Variants in SGCD observed in about 807,000 individuals in gnomAD.
The protein encoded by SGCD is delta-sarcoglycan.
In SGCD, 18 loss-of-function variants were observed where a neutral mutation model predicts 36.6. The observed-to-expected ratio is 0.49, with a 90% confidence interval of 0.34 to 0.73. The LOEUF is 0.73. SGCD is among the 30% of genes least tolerant of loss of function. The pLI is 0.01. For synonymous variants in SGCD, 133 were observed against 130.6 expected (o/e 1.02, Z -0.12); for missense variants, 387 against 346.7 (o/e 1.12, Z -0.92).
At position 156,269,469 on chromosome 5, in the gene SGCD, C is replaced by CAAAAAA. The variant is rs60893052; in HGVS notation, c.-43-60029_-43-60024dup. On this transcript the variant is annotated intron_variant, in intron 3 of 9. Coordinates refer to the SGCD transcript ENST00000517913. ...TAGGGGACAGAGTGAGACTCCGTCT[C>CAAAAAA]AAAAAAAAAAAAAAAAAAAAAAAAA... 5.6e-4 allele frequency among the ~76,000 whole-genome samples: 17 copies of CAAAAAA among 30,468 alleles called. 2 individuals carry two copies. The highest frequency in any genetic ancestry group is 5.1e-3 in the East Asian group (2 of 392). 20.0% of individuals were successfully genotyped at this position (30,468 alleles called of 152,430 possible).
At chr5:156,613,843 C>A (rs1761923079) in intron 6 of SGCD, among the ~76,000 whole-genome samples, 1 of 152,232 alleles carries the variant, frequency 6.6e-6, no homozygotes, top group African/African-American at 2.4e-5. Flanking sequence ...ATATAGCTAA[C>A]ATATGTTGAG....
intron 1 of SGCD, among the ~76,000 whole-genome samples, chr5:155,985,638 GTAGT>G (rs1179882110): frequency 6.6e-6 from 1 of 152,202 alleles, no homozygotes; most frequent in Non-Finnish European, 1.5e-5. Flanking sequence ...ATGGTAGAAT[GTAGT>G]TTGTGTGGCT....
intron 3 of SGCD, among the ~76,000 whole-genome samples, chr5:156,474,136 G>A (rs1050851415): frequency 2.0e-5 from 3 of 152,120 alleles, no homozygotes; most frequent in African/African-American, 4.8e-5. Context: ...CCCAACATGG[G>A]TAGGGGTTGG....
chr5:156,579,354 A>C (rs1248875038), intron 4 of SGCD, among the ~76,000 whole-genome samples: 1 of 152,112 alleles, frequency 6.6e-6, no homozygotes, highest in Admixed American at 6.6e-5. Flanking sequence ...TTTTGGAAGA[A>C]GTGTGATGTG....
chr5:156,681,742 G>A (rs1433570924), intron 7 of SGCD, among the ~76,000 whole-genome samples: 1 of 152,140 alleles, frequency 6.6e-6, no homozygotes, highest in Non-Finnish European at 1.5e-5. Context: ...TGATGGGGGA[G>A]AACAAACACA....
At chr5:156,754,840 A>C (rs542452896) in intron 7 of SGCD, among the ~76,000 whole-genome samples, 1 of 152,374 alleles carries the variant, frequency 6.6e-6, no homozygotes, top group Non-Finnish European at 1.5e-5. Flanking sequence ...TAAGGCAAGA[A>C]ATAAGACCAG....
intron 4 of SGCD, among the ~76,000 whole-genome samples, chr5:156,560,500 A>G (rs146114214): frequency 6.6e-6 from 1 of 152,186 alleles, no homozygotes; most frequent in Admixed American, 6.6e-5. Context: ...GCATTAATGC[A>G]CCTGTAGGCT....
Position 156,661,612 on chromosome 5 carries a change from C to G in SGCD, c.575+14076C>G, listed in dbSNP as rs1268903482. Reference sequence around the variant, plus strand: ...CCATTGCTGGAACCATCAGTAAATACTGTTAGAGCATTTTCTAAAGGTTCA... The same window carrying G: ...CCATTGCTGGAACCATCAGTAAATAGTGTTAGAGCATTTTCTAAAGGTTCA... On this transcript the variant is annotated intron_variant, in intron 7 of 8. Transcript: ENST00000337851. Among the ~76,000 whole-genome samples the G allele has an allele frequency of 7.1e-5, 10 of 141,720 alleles. No homozygotes were observed. The East Asian group carries it at 8.6e-4, about 12-fold the overall frequency. The allele number at this position is 141,720 out of a possible 152,430, so 93.0% of individuals were successfully genotyped here. A position where few individuals can be genotyped will look rare whatever the true frequency, so the allele number is the denominator to read the frequency against.
chr5:156,606,284 A>G (rs1342662178), intron 6 of SGCD, among the ~76,000 whole-genome samples: 1 of 152,212 alleles, frequency 6.6e-6, no homozygotes, highest in Non-Finnish European at 1.5e-5. Flanking sequence ...TTTTCCCAGC[A>G]CCATTTATTA....
At chr5:156,646,956 C>T (rs1190921723) in intron 6 of SGCD, among the ~76,000 whole-genome samples, 1 of 152,162 alleles carries the variant, frequency 6.6e-6, no homozygotes, top group Non-Finnish European at 1.5e-5. Flanking sequence ...TTTTGCTTAA[C>T]TTTTCAAGAT....
chr5:156,304,947 C>A (rs1186507435), intron 3 of SGCD, among the ~76,000 whole-genome samples: 1 of 152,124 alleles, frequency 6.6e-6, no homozygotes, highest in Non-Finnish European at 1.5e-5. Flanking sequence ...ATGATTTAAG[C>A]TATTTGGCAG....
intron 1 of SGCD, among the ~76,000 whole-genome samples, chr5:155,906,029 AT>A (rs1189582025): frequency 6.6e-6 from 1 of 152,084 alleles, no homozygotes; most frequent in Admixed American, 6.6e-5. Context: ...TGTTAGTTCC[AT>A]TTTTCCAACA....
At chr5:156,528,698 A>G (rs1581121808) in intron 4 of SGCD, among the ~76,000 whole-genome samples, 1 of 152,292 alleles carries the variant, frequency 6.6e-6, no homozygotes, top group East Asian at 1.9e-4. Flanking sequence ...GCTAAAGGTA[A>G]TAAGTTTCAT....
intron 7 of SGCD, among the ~76,000 whole-genome samples, chr5:156,720,319 T>G (rs1420878654): frequency 6.6e-6 from 1 of 152,146 alleles, no homozygotes; most frequent in Non-Finnish European, 1.5e-5. Context: ...GGTGAGCATC[T>G]GGGGAGGATT....
At chr5:156,651,560 C>T (rs1311332434) in intron 7 of SGCD, among the ~76,000 whole-genome samples, 1 of 152,062 alleles carries the variant, frequency 6.6e-6, no homozygotes, top group Non-Finnish European at 1.5e-5. Context: ...ATAGGGAATC[C>T]TTTCCACATG....
At chr5:156,730,430 G>A (rs1267276151) in intron 7 of SGCD, among the ~76,000 whole-genome samples, 1 of 152,110 alleles carries the variant, frequency 6.6e-6, no homozygotes, top group African/African-American at 2.4e-5. Flanking sequence ...GTATCCATGT[G>A]TTCTCATAAT....
At chr5:156,238,981 G>A (rs1369766160) in intron 3 of SGCD, among the ~76,000 whole-genome samples, 1 of 152,178 alleles carries the variant, frequency 6.6e-6, no homozygotes, top group African/African-American at 2.4e-5. Flanking sequence ...TTGGACCAAA[G>A]ACATTCTGAA....
At chr5:156,276,940 C>T (rs1440702761) in intron 3 of SGCD, among the ~76,000 whole-genome samples, 1 of 151,982 alleles carries the variant, frequency 6.6e-6, no homozygotes, top group Non-Finnish European at 1.5e-5. Context: ...GATGAGCATC[C>T]TTGTGGCTGC....
chr5:156,502,364 TAGAG>T (rs1256704576), intron 3 of SGCD, among the ~76,000 whole-genome samples: 1 of 151,960 alleles, frequency 6.6e-6, no homozygotes, highest in Non-Finnish European at 1.5e-5. Flanking sequence ...TTAATTTTTT[TAGAG>T]AGAGGATTTT....
Sources: gnomAD v4.1 joint callset for allele counts (sites outside exome capture counted in the v4.1 genomes callset) on GRCh38, gnomAD v4.1.1 for gene constraint, MANE v1.5 for transcripts, NCBI Gene and HGNC (gene_info 2026-07-23, HGNC 2026-07-21) for gene names.